MPHOSPH9: variants seen among roughly 807,000 people sequenced by gnomAD.
MPHOSPH9 encodes the protein M-phase phosphoprotein 9.
Under a neutral mutation model 145.5 loss-of-function variants are expected in MPHOSPH9, and 88 were observed. The observed-to-expected ratio is 0.60, with a 90% CI of 0.51 to 0.72. The LOEUF is 0.72. MPHOSPH9 is among the 30% of genes least tolerant of loss of function. The probability of loss-of-function intolerance (pLI) is 0.00; values close to 1 mark genes in which losing one functional copy is unlikely to be tolerated. For synonymous variants in MPHOSPH9, 435 were observed against 486.2 expected (o/e 0.89, Z 1.39); for missense variants, 1,238 against 1,386.6 (o/e 0.89, Z 1.70).
At chr12:123,158,534 A>T (rs2043965617) in intron 23 of MPHOSPH9, among the ~76,000 whole-genome samples, 1 of 152,182 alleles carries the variant, frequency 6.6e-6, no homozygotes, top group Non-Finnish European at 1.5e-5. Flanking sequence ...GACTACAGTG[A>T]GCTATGATTG....
intron 3 of MPHOSPH9, among the ~76,000 whole-genome samples, chr12:123,224,919 G>GT (rs750021426): frequency 1.1e-4 from 16 of 152,176 alleles, no homozygotes; most frequent in Non-Finnish European, 1.6e-4. Context: ...TGAATTCACA[G>GT]TGAGTACATA....
chr12:123,179,181 A>G (rs2045010410), intron 15 of MPHOSPH9, among the ~76,000 whole-genome samples: 1 of 152,172 alleles, frequency 6.6e-6, no homozygotes, highest in Non-Finnish European at 1.5e-5. Flanking sequence ...TAATCCCAGC[A>G]CTTTTTGTGG....
At chr12:123,163,320 G>GT (rs1481862595) in intron 19 of MPHOSPH9, 186 bp from the exon 20 acceptor site, 2 of 580,468 alleles carry the variant, frequency 3.4e-6, no homozygotes, top group East Asian at 6.8e-5. Context: ...GGTAACCACT[G>GT]TAACACTGTA....
At chr12:123,178,459 C>T (rs990059549) in intron 15 of MPHOSPH9, among the ~76,000 whole-genome samples, 1 of 152,148 alleles carries the variant, frequency 6.6e-6, no homozygotes, top group Non-Finnish European at 1.5e-5. Flanking sequence ...AGGGACGTTA[C>T]TTATATCCAA....
chr12:123,199,741 C>T (rs1451382244), intron 11 of MPHOSPH9, among the ~76,000 whole-genome samples: 3 of 148,422 alleles, frequency 2.0e-5, no homozygotes, highest in African/African-American at 7.5e-5. Flanking sequence ...TGCAGTGAGC[C>T]GAGACAGCAC....
In MPHOSPH9 at chr12:123,221,850, T is replaced by TGTG. The variant is rs1481034945; in HGVS notation, c.393_394insCAC (p.Ser131_Ser132insHis). On this transcript the variant is annotated inframe_insertion, in exon 5 of 24. Coordinates refer to ENST00000606320, the MANE Select transcript of MPHOSPH9 (RefSeq NM_022782.4). ...CCTTCACAGGAAGCTAAGGAAGCAC[T>TGTG]ACTAGTCTGTAATTTGACTAAATTT... The TGTG allele has an allele frequency of 3.1e-6, 5 of 1,602,678 alleles. No homozygotes were observed. The Admixed American group carries it at 5.2e-5, about 17-fold the overall frequency.
chr12:123,179,754 ATCTTGTT>A (rs1290908986), intron 15 of MPHOSPH9, among the ~76,000 whole-genome samples, 165 bp downstream of exon 15: 2 of 151,880 alleles, frequency 1.3e-5, no homozygotes, highest in Non-Finnish European at 2.9e-5. Flanking sequence ...GAGAGAAGAA[ATCTTGTT>A]TGGCTAAAAT....
At chr12:123,236,836 C>T (rs1026696703), upstream of MPHOSPH9, among the ~76,000 whole-genome samples, 6 of 152,140 alleles carry the variant, frequency 3.9e-5, no homozygotes, top group African/African-American at 1.4e-4. Flanking sequence ...CACCTCTCAG[C>T]ACTTTGAGAG....
chr12:123,236,509 G>C (rs182034783), upstream of MPHOSPH9, among the ~76,000 whole-genome samples: 756 of 151,734 alleles, frequency 5.0e-3, 20 homozygotes, highest in Admixed American at 0.045. Flanking sequence ...AAAGAAGCTT[G>C]CTTGAGCCCA....
chr12:123,173,965 A>T (rs1486191100), intron 16 of MPHOSPH9, among the ~76,000 whole-genome samples: 2 of 152,120 alleles, frequency 1.3e-5, no homozygotes, highest in Non-Finnish European at 2.9e-5. Context: ...TGGTGTCTGA[A>T]ATGGGAAGTC....
At chr12:123,224,092 G>A (rs966414152) in intron 3 of MPHOSPH9, among the ~76,000 whole-genome samples, 3 of 134,172 alleles carry the variant, frequency 2.2e-5, no homozygotes, top group African/African-American at 8.5e-5. Context: ...GTGTCACCAT[G>A]TTCGGCTAAT....
chr12:123,162,270 C>A, intron 20 of MPHOSPH9, 52 bp from the exon 21 acceptor site: 1 of 958,748 alleles, frequency 1.0e-6, no homozygotes. Context: ...ACTGATTTTC[C>A]CTATCTCCAC....
downstream of MPHOSPH9, chr12:123,153,303 G>T (rs1180944814): frequency 1.3e-5 from 2 of 152,074 alleles, no homozygotes; most frequent in African/African-American, 4.8e-5. Flanking sequence ...TTAAATTTTT[G>T]GTGGCTAAAA....
chr12:123,163,259 GA>G lies in MPHOSPH9; in HGVS notation c.2909-126del. On this transcript the variant is annotated intron_variant, in intron 19 of 23. Transcript: ENST00000606320. ...AATTTCAACGTAAAACTTTGAGAGA[GA>G]AATAAGAGTGTACAAAAAAATAAAA... 3 of 1,042,794 alleles carry G rather than the reference GA, an allele frequency of 2.9e-6. No individual in the cohort carries two copies. In the South Asian group the frequency reaches 5.7e-5, roughly 20 times the overall value. 64.6% of individuals were successfully genotyped at this position (1,042,794 alleles called of 1,614,324 possible). A position where few individuals can be genotyped will look rare whatever the true frequency, so the allele number is the denominator to read the frequency against.
At chr12:123,227,702 T>G in intron 2 of MPHOSPH9, 86 bp from the exon 3 acceptor site, 1 of 1,141,120 alleles carries the variant, frequency 8.8e-7, no homozygotes, top group Non-Finnish European at 1.2e-6. Flanking sequence ...AGCAGAGCAG[T>G]ACAAAACCAC....
chr12:123,207,898 T>C (rs1045344116), intron 8 of MPHOSPH9, among the ~76,000 whole-genome samples: 6 of 148,882 alleles, frequency 4.0e-5, no homozygotes, highest in Admixed American at 1.3e-4. Flanking sequence ...GTGAAATAGG[T>C]ACATTGATGT....
At position 123,163,095 on chromosome 12, in the gene MPHOSPH9, T is replaced by C. The variant is rs1335995368; in HGVS notation, c.2948A>G (p.Tyr983Cys). 17 of 1,591,270 alleles carry C rather than the reference T, an allele frequency of 1.1e-5. No individual in the cohort carries two copies. The highest frequency in any genetic ancestry group is 1.4e-5 in the Non-Finnish European group (17 of 1,173,388). The change falls in exon 20 of 24, where the codon TAT becomes TGT. Residue 983 changes from tyrosine to cysteine, a missense_variant. Around this residue, in one of 3 missense-constraint regions of MPHOSPH9, gnomAD observed 393 missense variants for 462.5 expected, o/e 0.85. Transcript: ENST00000606320. ...EIMLTPVTVA[Y>C]SPKRSPKENL... ...TTCTTTAGGGGATCGCTTTGGACTATAAGCCACAGTCACTGGTGTTAGCAT... is the reference window on the plus strand; with the variant it reads ...TTCTTTAGGGGATCGCTTTGGACTACAAGCCACAGTCACTGGTGTTAGCAT...
chr12:123,153,569 C>T (rs1430822092), downstream of MPHOSPH9, among the ~76,000 whole-genome samples: 2 of 152,032 alleles, frequency 1.3e-5, no homozygotes, highest in African/African-American at 4.8e-5. Flanking sequence ...AAGTTCAAGA[C>T]CAGGATGGCC....
rs1593154900 is a variant in MPHOSPH9, at chr12:123,194,472, C to T, written c.2155G>A (p.Asp719Asn). Residue 719 changes from aspartate (D) to asparagine (N), a missense_variant, in exon 13 of 24, where the codon GAT becomes AAT. Physicochemically the swap from Asp to Asn is conservative, Grantham distance 23. Around this residue, in one of 3 missense-constraint regions of MPHOSPH9, gnomAD observed 837 missense variants for 897.5 expected, o/e 0.93. Transcript: ENST00000606320. ...GCATTCTCAAATGCTTCTTCTAAATCTTGCAGTCTAGATTTTAGTCGAATG... is the reference window on the plus strand; with the variant it reads ...GCATTCTCAAATGCTTCTTCTAAATTTTGCAGTCTAGATTTTAGTCGAATG... ...TIIRLKSRLQ[D>N]LEEAFENAYK... 6.2e-7 allele frequency: 1 copy of T among 1,611,738 alleles called. No homozygotes were observed. The highest frequency in any genetic ancestry group is 8.5e-7 in the Non-Finnish European group (1 of 1,179,208).
Sources: allele counts gnomAD v4.1 joint callset (sites outside exome capture counted in the v4.1 genomes callset), GRCh38; gene constraint gnomAD v4.1.1; regional missense constraint gnomAD v4.1.1; transcripts MANE v1.5; gene names NCBI Gene and HGNC (gene_info 2026-07-23, HGNC 2026-07-21).